The following CACNA1D variants were observed in gnomAD, a reference collection of about 807,000 sequenced individuals.
CACNA1D encodes the protein voltage-dependent L-type calcium channel subunit alpha-1D.
CACNA1D carries 55 observed loss-of-function variants against 257.1 expected under a neutral mutation model. The ratio of observed to expected loss-of-function variants is 0.21; its 90% CI spans 0.17 to 0.27. The LOEUF (loss-of-function observed/expected upper bound fraction) is 0.27. Among genes scored for constraint, CACNA1D ranks in the 10% least tolerant of loss-of-function variants. The probability of loss-of-function intolerance (pLI) is 1.00; values close to 1 mark genes in which losing one functional copy is unlikely to be tolerated. For synonymous variants in CACNA1D, 980 were observed against 1,014.9 expected (o/e 0.97, Z 0.65); for missense variants, 1,876 against 2,784.0 (o/e 0.67, Z 7.34).
chr3:53,650,090 C>T (rs2094072707), intron 3 of CACNA1D, among the ~76,000 whole-genome samples: 1 of 152,188 alleles, frequency 6.6e-6, no homozygotes, highest in Non-Finnish European at 1.5e-5. Context: ...AGAGGCTCTG[C>T]CTAGGTTTCC....
rs2095588203 is a variant in CACNA1D, at chr3:53,810,039, C to T, written c.5933C>T (p.Thr1978Ile). 1 of 1,614,038 alleles carries T rather than the reference C, an allele frequency of 6.2e-7. No individual in the cohort carries two copies. The highest frequency in any genetic ancestry group is 2.2e-5 in the East Asian group (1 of 44,868). Residue 1978 changes from threonine (T) to isoleucine (I), a missense_variant, in exon 47 of 48, where the codon ACC becomes ATC. This residue lies in a region of CACNA1D where 491 missense variants were observed against 554.3 expected (regional missense o/e 0.89). Coordinates refer to ENST00000350061, the MANE Select transcript of CACNA1D (RefSeq NM_001128840.3). Reference sequence around the variant, plus strand: ...CAGAAGTACTCACCGAGTCACTCGACCCGGTCGTGGGCCACCCCTCCAGCA... The same window carrying T: ...CAGAAGTACTCACCGAGTCACTCGATCCGGTCGTGGGCCACCCCTCCAGCA... Reference protein sequence around the residue: ...KAQKYSPSHSTRSWATPPATP... With the variant: ...KAQKYSPSHSIRSWATPPATP...
intron 3 of CACNA1D, among the ~76,000 whole-genome samples, chr3:53,603,083 G>T (rs550945328): frequency 6.6e-6 from 1 of 152,338 alleles, no homozygotes; most frequent in South Asian, 2.1e-4. Context: ...CAGGAGGGCT[G>T]GTTGGGAAGC....
chr3:53,736,708 A>G (rs1307763198), intron 20 of CACNA1D, among the ~76,000 whole-genome samples: 1 of 152,042 alleles, frequency 6.6e-6, no homozygotes, highest in African/African-American at 2.4e-5. Context: ...TCTAGGCAAC[A>G]TAGTGAGACC....
At chr3:53,584,850 C>T (rs2093187475) in intron 3 of CACNA1D, among the ~76,000 whole-genome samples, 1 of 139,890 alleles carries the variant, frequency 7.1e-6, no homozygotes, top group African/African-American at 2.6e-5. Context: ...ACAGATGACT[C>T]TATTAGAGTC....
chr3:53,719,068 CTG>C (rs1385940708), intron 10 of CACNA1D, among the ~76,000 whole-genome samples: 1 of 152,102 alleles, frequency 6.6e-6, no homozygotes, highest in Non-Finnish European at 1.5e-5. Context: ...GTGCTGGGCA[CTG>C]TCTGCCGTGG....
chr3:53,586,296 G>C (rs2093215703), intron 3 of CACNA1D, among the ~76,000 whole-genome samples: 1 of 151,530 alleles, frequency 6.6e-6, no homozygotes, highest in African/African-American at 2.4e-5. Context: ...GTGTGTGTGT[G>C]TGTGTGTGTG....
At chr3:53,809,418 C>T (rs1157748873) in intron 46 of CACNA1D, 2 of 182,198 alleles carry the variant, frequency 1.1e-5, no homozygotes, top group Non-Finnish European at 2.3e-5. Flanking sequence ...GGGCATGGAC[C>T]TGTGCTGTTT....
intron 3 of CACNA1D, among the ~76,000 whole-genome samples, chr3:53,514,318 G>T (rs2091249367): frequency 6.6e-6 from 1 of 151,794 alleles, no homozygotes; most frequent in Non-Finnish European, 1.5e-5. Context: ...AGCGGAGGAG[G>T]GTATGACCAA....
In CACNA1D at chr3:53,520,849, CCTTTCTTTCTTTCTTT is replaced by C. The variant is rs71074924; in HGVS notation, c.483+19162_483+19177del. Among the ~76,000 whole-genome samples the C allele has an allele frequency of 3.8e-4, 51 of 133,104 alleles. No individual in the cohort carries two copies. The South Asian group carries it at 3.9e-3, about 10-fold the overall frequency. 87.3% of individuals were successfully genotyped at this position (133,104 alleles called of 152,430 possible). A position where few individuals can be genotyped will look rare whatever the true frequency, so the allele number is the denominator to read the frequency against. ...TTTTTGGATTTATGATTTGCAAACT[CCTTTCTTTCTTTCTTT>C]CTTTCTTTCTTTCTTTCTTTCTTTC... On this transcript the variant is annotated intron_variant, in intron 3 of 47. Coordinates refer to ENST00000350061, the MANE Select transcript of CACNA1D (RefSeq NM_001128840.3).
chr3:53,507,072 C>CA (rs781421977), intron 3 of CACNA1D, among the ~76,000 whole-genome samples: 4,715 of 56,370 alleles, frequency 0.084, 449 homozygotes, highest in East Asian at 0.18. Context: ...GACTCTATCT[C>CA]AAAAAAAAAA....
In CACNA1D at chr3:53,783,508, G is replaced by A. The variant is rs373767068; in HGVS notation, c.4792+1841G>A. 2.6e-4 allele frequency among the ~76,000 whole-genome samples: 39 copies of A among 152,310 alleles called. No homozygotes were observed. The East Asian group carries it at 4.4e-3, about 17-fold the overall frequency. ...TTTTAATCTATTCCACAACGGCAGC[G>A]AGAGGCAGTGTGAGGCACAAGAAGA... On this transcript the variant is annotated intron_variant, in intron 39 of 47. Coordinates refer to ENST00000350061, the MANE Select transcript of CACNA1D (RefSeq NM_001128840.3).
chr3:53,566,742 T>C (rs887035470), intron 3 of CACNA1D, among the ~76,000 whole-genome samples: 2 of 152,184 alleles, frequency 1.3e-5, no homozygotes, highest in African/African-American at 4.8e-5. Flanking sequence ...CCACCAGCCC[T>C]CCCCGAGAGC....
intron 8 of CACNA1D, among the ~76,000 whole-genome samples, chr3:53,682,384 A>AAAAAAAAAAAAAAAAAAAC (rs2094439742): frequency 6.7e-6 from 1 of 148,184 alleles, no homozygotes; most frequent in East Asian, 2.0e-4. Flanking sequence ...AAAAAAAAAA[A>AAAAAAAAAAAAAAAAAAAC]AAAAAAAAAA....
intron 3 of CACNA1D, among the ~76,000 whole-genome samples, chr3:53,649,293 T>G (rs1344523951): frequency 6.6e-6 from 1 of 152,238 alleles, no homozygotes; most frequent in Non-Finnish European, 1.5e-5. Flanking sequence ...GAATATAAAG[T>G]GTTCTCTTCA....
In CACNA1D at chr3:53,562,633, T is replaced by C. The variant is rs145399690; in HGVS notation, c.483+60913T>C. Among the ~76,000 whole-genome samples, 16 of 147,978 alleles carry C rather than the reference T, an allele frequency of 1.1e-4. No homozygotes were observed. In the East Asian group the frequency reaches 3.1e-3, roughly 29 times the overall value. ...TGTAACTCTTACCACAATCCAGTTT[T>C]ATAACATTTTCATAAATGCCTCCCC... On this transcript the variant is annotated intron_variant, in intron 3 of 47. Transcript: ENST00000350061.
intron 3 of CACNA1D, among the ~76,000 whole-genome samples, chr3:53,638,335 G>A (rs2093909875): frequency 6.6e-6 from 1 of 152,206 alleles, no homozygotes; most frequent in South Asian, 2.1e-4. Flanking sequence ...CCAGGGCAGG[G>A]CCTCCTCCGG....
chr3:53,504,519 A>G (rs2090743490), intron 3 of CACNA1D, among the ~76,000 whole-genome samples: 1 of 152,128 alleles, frequency 6.6e-6, no homozygotes, highest in African/African-American at 2.4e-5. Flanking sequence ...TTAAAAATAT[A>G]AACACTCTCA....
At chr3:53,703,858 C>T (rs555832131) in intron 9 of CACNA1D, among the ~76,000 whole-genome samples, 2 of 152,234 alleles carry the variant, frequency 1.3e-5, no homozygotes, top group South Asian at 4.1e-4. Flanking sequence ...CTAAATGCAG[C>T]CCTGGGGAGC....
At chr3:53,801,966 C>T (rs943067280) in intron 42 of CACNA1D, among the ~76,000 whole-genome samples, 181 bp from the exon 43 acceptor site, 3 of 152,192 alleles carry the variant, frequency 2.0e-5, no homozygotes, top group African/African-American at 7.2e-5. Flanking sequence ...TCCTTTATAA[C>T]AATAAAACCC....
Sources: allele counts gnomAD v4.1 joint callset (sites outside exome capture counted in the v4.1 genomes callset), GRCh38; gene constraint gnomAD v4.1.1; regional missense constraint gnomAD v4.1.1; transcripts MANE v1.5; gene names NCBI Gene and HGNC (gene_info 2026-07-23, HGNC 2026-07-21).